Variants in ZNF135 observed in about 807,000 individuals in gnomAD.
ZNF135 encodes the protein zinc finger protein 135.
In ZNF135, 11 loss-of-function variants were observed where a neutral mutation model predicts 12.3. That is an observed-to-expected ratio of 0.89 (90% confidence interval 0.56 to 1.48). The LOEUF (loss-of-function observed/expected upper bound fraction) is 1.48, where lower values mean the gene tolerates loss of function less well. Ranked by LOEUF, ZNF135 falls within the 40% of genes most tolerant of loss-of-function variation. The pLI is 0.00. For missense variants in ZNF135, 722 were observed against 815.7 expected, an observed-to-expected ratio of 0.89 and a Z score of 1.40; for synonymous variants, 316 against 312.0, an observed-to-expected ratio of 1.01 and a Z score of -0.14.
rs779023427 is a variant in ZNF135 at position 58,059,358 on chromosome 19, G to A, written c.-35+48G>A. 22 of 1,154,748 alleles carry A rather than the reference G, an allele frequency of 1.9e-5. No individual in the cohort carries two copies. The South Asian group carries it at 3.6e-4, about 19-fold the overall frequency. 71.5% of individuals were successfully genotyped at this position (1,154,748 alleles called of 1,614,324 possible). On this transcript the variant is annotated intron_variant, in intron 1 of 4. Coordinates refer to ENST00000313434, the MANE Select transcript of ZNF135 (RefSeq NM_001289401.2). The surrounding 1 kb of genome is among the most constrained non-coding windows in gnomAD (Gnocchi z 6.5). ...GGGAGGGGAGGCCAGGCCGGGCCGG[G>A]CCGGGCCGGGTGCGGGGGGTCCGGG...
In ZNF135 at chr19:58,066,811, T is replaced by A. The variant is rs748088418; in HGVS notation, c.327T>A (p.Ser109Arg). Residue 109 changes from serine (S) to arginine (R), a missense_variant, in exon 5 of 5, where the codon AGT becomes AGA. Coordinates refer to ENST00000313434, the MANE Select transcript of ZNF135 (RefSeq NM_001289401.2). ...GCATCTCTGAAGAAATATCCAACAG[T>A]GTCATCTTGGTAGAAAGATTCCTGT... ...KQGISEEISN[S>R]VILVERFLWD... 8.4e-5 allele frequency: 135 copies of A among 1,614,216 alleles called. 1 individual carries two copies. In the Admixed American group the frequency reaches 2.2e-3, roughly 26 times the overall value.
At position 58,067,457 on chromosome 19, in the gene ZNF135, C is replaced by G. The variant is rs751195887; in HGVS notation, c.973C>G (p.Pro325Ala). ...QHERTHTGEK[P>A]YECSECGKAF... Reference sequence around the variant, plus strand: ...CGAGCGAACTCACACAGGCGAGAAGCCCTACGAGTGCAGTGAGTGTGGGAA... The same window carrying G: ...CGAGCGAACTCACACAGGCGAGAAGGCCTACGAGTGCAGTGAGTGTGGGAA... The change falls in exon 5 of 5, where the codon CCC becomes GCC. Residue 325 changes from proline (P) to alanine (A), a missense_variant. Coordinates refer to ENST00000313434, the MANE Select transcript of ZNF135 (RefSeq NM_001289401.2). The G allele has an allele frequency of 6.8e-6, 11 of 1,614,200 alleles. No homozygotes were observed. In the Admixed American group the frequency reaches 1.8e-4, roughly 27 times the overall value.
Position 58,059,865 on chromosome 19 carries a change from G to T in ZNF135, c.-34-104G>T. 7.1e-7 allele frequency: 1 copy of T among 1,409,784 alleles called. No individual in the cohort carries two copies. The highest frequency in any genetic ancestry group is 2.4e-5 in the East Asian group (1 of 41,364). The allele number at this position is 1,409,784 out of a possible 1,614,324, so 87.3% of individuals were successfully genotyped here. On this transcript the variant is annotated intron_variant, in intron 1 of 4. Transcript: ENST00000313434. The surrounding 1 kb of genome is among the most constrained non-coding windows in gnomAD (Gnocchi z 6.5). ...GCTTAAACGGGTACGCGGGGCCCTG[G>T]ACGGCTCTCCGCGGAGCTCCCCAGG...
Position 58,069,400 on chromosome 19 carries a change from T to C in ZNF135, c.*939T>C, listed in dbSNP as rs1180730714. The C allele has an allele frequency of 6.6e-6, 1 of 152,244 alleles. No homozygotes were observed. Among genetic ancestry groups the C allele is most frequent in the Non-Finnish European group, 1.5e-5 (1 of 68,048 alleles). The allele number at this position is 152,244 out of a possible 1,614,324, so 9.4% of individuals were successfully genotyped here. ...CGTCTTATAAGCAATAGCAAATTCA[T>C]GTTAGAAACTTCTGTTTTGCAAGAT... On this transcript the variant is annotated 3_prime_UTR_variant, in exon 5 of 5. Coordinates refer to ENST00000313434, the MANE Select transcript of ZNF135 (RefSeq NM_001289401.2).
chr19:58,062,719 G>T (rs182361089), intron 3 of ZNF135, among the ~76,000 whole-genome samples: 32 of 151,354 alleles, frequency 2.1e-4, no homozygotes, highest in African/African-American at 5.6e-4. Flanking sequence ...AAGAAACAGG[G>T]TCTTGTTCTC....
Position 58,067,847 on chromosome 19 carries a change from C to G in ZNF135, c.1363C>G (p.Gln455Glu). The change falls in exon 5 of 5, where the codon CAG becomes GAG. Residue 455 changes from glutamine to glutamate, a missense_variant. Physicochemically the swap from Gln to Glu is conservative, Grantham distance 29. Transcript: ENST00000313434. Reference protein sequence around the residue: ...KTFSHSSSLSQHERTHTGEKP... With the variant: ...KTFSHSSSLSEHERTHTGEKP... The stretch of plus-strand genomic sequence containing the variant: ...CTTCAGCCACAGCTCCTCACTCAGC[C>G]AGCATGAGCGGACACACACAGGAGA... The G allele has an allele frequency of 6.2e-7, 1 of 1,612,962 alleles. No homozygotes were observed. Among genetic ancestry groups the G allele is most frequent in the Non-Finnish European group, 8.5e-7 (1 of 1,179,692 alleles).
At chr19:58,064,768 G>T (rs556241309) in intron 4 of ZNF135, among the ~76,000 whole-genome samples, 38 of 152,020 alleles carry the variant, frequency 2.5e-4, no homozygotes, top group African/African-American at 8.9e-4. Context: ...GCACGCTCCT[G>T]TAGTCCCAGC....
chr19:58,061,328 C>T (rs1254703802), intron 2 of ZNF135, among the ~76,000 whole-genome samples: 1 of 152,198 alleles, frequency 6.6e-6, no homozygotes, highest in Non-Finnish European at 1.5e-5. Context: ...GGCTGGTCCA[C>T]TCCTTTATTG....
chr19:58,061,127 C>CG lies in ZNF135; in HGVS notation c.34-448dup, dbSNP rs977344002. Reference sequence around the variant, plus strand: ...TGGGCGACAAAGCGAGACTCCGTCTCGGGGGAAAAAAAAAACCACCCAGAT... The same window carrying CG: ...TGGGCGACAAAGCGAGACTCCGTCTCGGGGGGAAAAAAAAAACCACCCAGAT... On this transcript the variant is annotated intron_variant, in intron 2 of 4. Transcript: ENST00000313434. 5.5e-4 allele frequency among the ~76,000 whole-genome samples: 25 copies of CG among 45,222 alleles called. No individual in the cohort carries two copies. The South Asian group carries it at 0.011, about 20-fold the overall frequency. The allele number at this position is 45,222 out of a possible 152,430, so 29.7% of individuals were successfully genotyped here.
At position 58,063,810 on chromosome 19, in the gene ZNF135, T is replaced by C; in HGVS notation, c.256+269T>C. 1 of 699,522 alleles carries C rather than the reference T, an allele frequency of 1.4e-6. No homozygotes were observed. The highest frequency in any genetic ancestry group is 1.8e-6 in the Non-Finnish European group (1 of 569,120). The allele number at this position is 699,522 out of a possible 1,614,324, so 43.3% of individuals were successfully genotyped here. On this transcript the variant is annotated intron_variant, in intron 4 of 4. Transcript: ENST00000313434. The surrounding 1 kb of genome is among the most constrained non-coding windows in gnomAD (Gnocchi z 4.4). ...TTGGATGATTACAGATTGTGATGAATGCCGAGAAAATGAAAATGAGCAATG... is the reference window on the plus strand; with the variant it reads ...TTGGATGATTACAGATTGTGATGAACGCCGAGAAAATGAAAATGAGCAATG...
Position 58,060,262 on chromosome 19 carries a change from C to T in ZNF135, c.33+227C>T, listed in dbSNP as rs1599919513. On this transcript the variant is annotated intron_variant, in intron 2 of 4. Transcript: ENST00000313434. The surrounding 1 kb of genome is among the most constrained non-coding windows in gnomAD (Gnocchi z 4.9). ...GGCCTCTACTGGTGCCCGGCCTCTACTCGTGCCCGGCCTCTATTTGCACAT... is the reference window on the plus strand; with the variant it reads ...GGCCTCTACTGGTGCCCGGCCTCTATTCGTGCCCGGCCTCTATTTGCACAT... 6.1e-6 allele frequency: 2 copies of T among 328,784 alleles called. No individual in the cohort carries two copies. The highest frequency in any genetic ancestry group is 8.8e-6 in the Non-Finnish European group (2 of 226,970). The allele number at this position is 328,784 out of a possible 1,614,324, so 20.4% of individuals were successfully genotyped here. A position where few individuals can be genotyped will look rare whatever the true frequency, so the allele number is the denominator to read the frequency against.
At chr19:58,061,092 C>T (rs1599921318) in intron 2 of ZNF135, among the ~76,000 whole-genome samples, 1 of 151,300 alleles carries the variant, frequency 6.6e-6, no homozygotes, top group South Asian at 2.1e-4. Context: ...CATGCCACTG[C>T]ACTCTAGCCT....
rs1294497198 is a variant in ZNF135 at position 58,067,363 on chromosome 19, A to G, written c.879A>G (p.Thr293=). The G allele has an allele frequency of 6.2e-7, 1 of 1,614,176 alleles. No homozygotes were observed. The highest frequency in any genetic ancestry group is 1.7e-5 in the Admixed American group (1 of 60,028). The part of the protein sequence containing the change: ...APLIQHQRTH[T]GEKPYECSEC... ...TGATCCAGCACCAGAGAACTCACAC[A>G]GGTGAGAAGCCCTATGAATGCAGCG... The change falls in exon 5 of 5, where the codon ACA becomes ACG. Residue 293 remains threonine, a synonymous_variant. Transcript: ENST00000313434.
chr19:58,061,537 T>TG, intron 2 of ZNF135, 43 bp from the exon 3 acceptor site: 1 of 1,589,812 alleles, frequency 6.3e-7, no homozygotes, highest in Non-Finnish European at 8.6e-7. Context: ...CAGCAGCCAG[T>TG]GCCAGGGTTG....
Position 58,061,565 on chromosome 19 carries a change from C to A in ZNF135, c.34-15C>A. 1 of 1,610,124 alleles carries A rather than the reference C, an allele frequency of 6.2e-7. No homozygotes were observed. Among genetic ancestry groups the A allele is most frequent in the Non-Finnish European group, 8.5e-7 (1 of 1,178,154 alleles). Reference sequence around the variant, plus strand: ...CAGGGTTGGCTTGGCTGAGGACACTCGTGTGATGTTTCAGGAGCAAGTGAC... The same window carrying A: ...CAGGGTTGGCTTGGCTGAGGACACTAGTGTGATGTTTCAGGAGCAAGTGAC... On this transcript the variant is annotated splice_polypyrimidine_tract_variant and intron_variant, in intron 2 of 4. Coordinates refer to ENST00000313434, the MANE Select transcript of ZNF135 (RefSeq NM_001289401.2).
At chr19:58,059,279 G>T (rs1248532207), upstream of ZNF135, 6 of 1,578,704 alleles carry the variant, frequency 3.8e-6, no homozygotes, top group Non-Finnish European at 4.3e-6. The surrounding 1 kb of genome is among the most constrained non-coding windows in gnomAD (Gnocchi z 6.5). Context: ...GTCGGCTGCC[G>T]GTGCCGCGGC....
At chr19:58,061,994 T>C (rs1272999709) in intron 3 of ZNF135, among the ~76,000 whole-genome samples, 1 of 152,234 alleles carries the variant, frequency 6.6e-6, no homozygotes, top group Admixed American at 6.5e-5. Context: ...TCTGTAGAGC[T>C]GTTAGGAGCC....
At chr19:58,061,824 G>A in intron 3 of ZNF135, 118 bp downstream of exon 3, 2 of 1,329,240 alleles carry the variant, frequency 1.5e-6, no homozygotes, top group Admixed American at 2.8e-5. Context: ...TGTATGTCTT[G>A]GGCTTTAAGA....
rs562545967 is a variant in ZNF135 at position 58,063,347 on chromosome 19, C to T, written c.161-99C>T. 3.3e-5 allele frequency: 50 copies of T among 1,529,668 alleles called. No individual in the cohort carries two copies. The African/African-American group carries it at 6.4e-4, about 19-fold the overall frequency. The allele number at this position is 1,529,668 out of a possible 1,614,324, so 94.8% of individuals were successfully genotyped here. ...ACAGCTGAAGTCACTCAGGGGTCCC[C>T]AGCCATCTGGGACCTGGAAGACCAA... On this transcript the variant is annotated intron_variant, in intron 3 of 4. Transcript: ENST00000313434. This position sits in a 1 kb window ranked among gnomAD's most constrained non-coding sequence, Gnocchi z 4.4.
Sources: allele counts gnomAD v4.1 joint callset (sites outside exome capture counted in the v4.1 genomes callset), GRCh38; gene constraint gnomAD v4.1.1; non-coding constraint Gnocchi (gnomAD v3.1); transcripts MANE v1.5; gene names NCBI Gene and HGNC (gene_info 2026-07-23, HGNC 2026-07-21).